VPS8: variants seen among roughly 807,000 people sequenced by gnomAD.
VPS8 encodes VPS8 subunit of CORVET complex, also known as vacuolar protein sorting-associated protein 8 homolog.
A neutral mutation model predicts 216.4 loss-of-function variants in VPS8; 129 were observed. The observed-to-expected ratio is 0.60, with a 90% confidence interval of 0.52 to 0.69. The LOEUF (loss-of-function observed/expected upper bound fraction) is 0.69. VPS8 is among the 30% of genes least tolerant of loss of function. VPS8 has a pLI of 0.00. For missense variants in VPS8, 1,531 were observed against 1,683.5 expected, an observed-to-expected ratio of 0.91 and a Z score of 1.59; for synonymous variants, 571 against 565.4, an observed-to-expected ratio of 1.01 and a Z score of -0.14.
chr3:184,875,324 T>C (rs1317014285), intron 21 of VPS8, among the ~76,000 whole-genome samples: 1 of 152,160 alleles, frequency 6.6e-6, no homozygotes, highest in Non-Finnish European at 1.5e-5. Flanking sequence ...TTCACTATTT[T>C]TGCTTTTCTC....
chr3:184,998,085 T>G (rs1752855653), intron 44 of VPS8, among the ~76,000 whole-genome samples: 1 of 152,070 alleles, frequency 6.6e-6, no homozygotes, highest in Non-Finnish European at 1.5e-5. Context: ...AAGGGGACAG[T>G]GAAAGAGACT....
At chr3:185,034,180 A>G (rs928913176) in intron 46 of VPS8, among the ~76,000 whole-genome samples, 1 of 152,138 alleles carries the variant, frequency 6.6e-6, no homozygotes, top group African/African-American at 2.4e-5. Flanking sequence ...GCTTAGGATT[A>G]TGGCCACTAG....
At chr3:184,958,281 A>G (rs1444099853) in intron 37 of VPS8, among the ~76,000 whole-genome samples, 1 of 152,188 alleles carries the variant, frequency 6.6e-6, no homozygotes, top group Non-Finnish European at 1.5e-5. Flanking sequence ...GGGTCAGTTT[A>G]GTTAAATAGT....
At chr3:185,001,702 T>A (rs754826256) in intron 45 of VPS8, among the ~76,000 whole-genome samples, 1 of 152,202 alleles carries the variant, frequency 6.6e-6, no homozygotes, top group Non-Finnish European at 1.5e-5. Flanking sequence ...GAGATGGGGC[T>A]GAAAGTTCCA....
intron 21 of VPS8, among the ~76,000 whole-genome samples, chr3:184,874,770 G>C (rs192610671): frequency 6.6e-6 from 1 of 152,018 alleles, no homozygotes; most frequent in Non-Finnish European, 1.5e-5. Flanking sequence ...CAACTGAGAT[G>C]GTGGAAGGTT....
At chr3:185,012,989 A>T (rs1481436961) in intron 45 of VPS8, among the ~76,000 whole-genome samples, 19 of 151,660 alleles carry the variant, frequency 1.3e-4, no homozygotes, top group African/African-American at 4.6e-4. Context: ...AACTAAAAGC[A>T]TTTCCTACAG....
chr3:185,031,688 T>C (rs1758190262), intron 46 of VPS8, among the ~76,000 whole-genome samples: 1 of 152,196 alleles, frequency 6.6e-6, no homozygotes, highest in South Asian at 2.1e-4. Context: ...GTCAGCTTGG[T>C]ATGAGAATTT....
At chr3:184,921,670 TCTC>T (rs1738648072) in intron 29 of VPS8, among the ~76,000 whole-genome samples, 1 of 152,068 alleles carries the variant, frequency 6.6e-6, no homozygotes, top group African/African-American at 2.4e-5. Context: ...TTCAAGCAAT[TCTC>T]CTGCCTCAGC....
chr3:185,027,066 C>T (rs541869857), intron 46 of VPS8, among the ~76,000 whole-genome samples: 1 of 151,918 alleles, frequency 6.6e-6, no homozygotes, highest in Admixed American at 6.5e-5. Context: ...AAAAGAAATA[C>T]AATCCTGTTC....
At chr3:185,016,181 A>G (rs889220990) in intron 45 of VPS8, among the ~76,000 whole-genome samples, 10 of 152,150 alleles carry the variant, frequency 6.6e-5, no homozygotes, top group African/African-American at 2.2e-4. Context: ...AAAGCCATCT[A>G]ATGTTTTCAG....
intron 1 of VPS8, among the ~76,000 whole-genome samples, chr3:184,812,968 G>A (rs1577665953): frequency 6.6e-6 from 1 of 152,212 alleles, no homozygotes; most frequent in Admixed American, 6.5e-5. Flanking sequence ...CCAGAGTGAG[G>A]GCAGCAGGGT....
rs778747272 is a variant in VPS8 at position 184,894,864 on chromosome 3, T to C, written c.1943T>C (p.Leu648Ser). ...ATTGTTCATTTCCAAGATAAAAAAT[T>C]AATGGAAAATGTGGAAGCGCTCATT... Reference protein sequence around the residue: ...DLIVHFQDKKLMENVEALIVH... With the variant: ...DLIVHFQDKKSMENVEALIVH... Residue 648 changes from leucine (L) to serine (S), a missense_variant, in exon 23 of 48, where the codon TTA becomes TCA. Physicochemically the swap from Leu to Ser is moderately radical, Grantham distance 145. Coordinates refer to ENST00000625842, the MANE Select transcript of VPS8 (RefSeq NM_001009921.3). The C allele has an allele frequency of 5.6e-6, 9 of 1,610,136 alleles. No homozygotes were observed. The Admixed American group carries it at 1.5e-4, about 27-fold the overall frequency.
intron 46 of VPS8, among the ~76,000 whole-genome samples, chr3:185,039,062 T>A (rs1759287196): frequency 6.6e-6 from 1 of 152,156 alleles, no homozygotes. Context: ...CTTCCAACTG[T>A]GATCTTGGGA....
At chr3:184,850,143 A>AGC in intron 10 of VPS8, 121 bp downstream of exon 10, 1 of 719,288 alleles carries the variant, frequency 1.4e-6, no homozygotes, top group South Asian at 2.0e-5. Flanking sequence ...GAAGCTGAAC[A>AGC]TTACCTTATA....
intron 46 of VPS8, among the ~76,000 whole-genome samples, chr3:185,036,592 TA>T (rs889272637): frequency 6.6e-6 from 1 of 152,016 alleles, no homozygotes; most frequent in African/African-American, 2.4e-5. Context: ...TTTTTTTTTT[TA>T]GTGGTGGCCT....
chr3:184,966,292 C>T (rs1449799802), intron 38 of VPS8, among the ~76,000 whole-genome samples: 1 of 152,200 alleles, frequency 6.6e-6, no homozygotes, highest in East Asian at 1.9e-4. Flanking sequence ...GACAGATCCA[C>T]TCCCATGACC....
chr3:184,830,649 C>G (rs1350908969), intron 3 of VPS8, among the ~76,000 whole-genome samples: 1 of 152,138 alleles, frequency 6.6e-6, no homozygotes, highest in Non-Finnish European at 1.5e-5. Flanking sequence ...CTTAATTCAT[C>G]TGATCCATTT....
rs577288708 is a variant in VPS8, at chr3:184,900,269, C to T, written c.2095-652C>T. 3.3e-5 allele frequency among the ~76,000 whole-genome samples: 5 copies of T among 152,306 alleles called. No individual in the cohort carries two copies. The South Asian group carries it at 1.0e-3, about 32-fold the overall frequency. On this transcript the variant is annotated intron_variant, in intron 24 of 47. Transcript: ENST00000625842. Reference sequence around the variant, plus strand: ...AGAAAAGATAAGGATTATTCACATACGTGCAGGAACACTCAGTAATAAGCA... The same window carrying T: ...AGAAAAGATAAGGATTATTCACATATGTGCAGGAACACTCAGTAATAAGCA...
intron 44 of VPS8, among the ~76,000 whole-genome samples, chr3:184,997,015 G>C (rs184466229): frequency 6.6e-6 from 1 of 152,230 alleles, no homozygotes; most frequent in Non-Finnish European, 1.5e-5. Flanking sequence ...TGTCTTGCAC[G>C]TGTTAGGTTT....
Sources: gnomAD v4.1 joint callset for allele counts (sites outside exome capture counted in the v4.1 genomes callset) on GRCh38, gnomAD v4.1.1 for gene constraint, MANE v1.5 for transcripts, NCBI Gene and HGNC (gene_info 2026-07-23, HGNC 2026-07-21) for gene names.